ZNF532: variants seen among roughly 807,000 people sequenced by gnomAD.
ZNF532 encodes the protein zinc finger protein 532.
In ZNF532, 22 loss-of-function variants were observed where a neutral mutation model predicts 89.3. That is an observed-to-expected ratio of 0.25 (90% CI 0.18 to 0.35). The LOEUF (loss-of-function observed/expected upper bound fraction) is 0.35. ZNF532 is among the 10% of genes least tolerant of loss of function. The probability of loss-of-function intolerance (pLI) is 1.00; values close to 1 mark genes in which losing one functional copy is unlikely to be tolerated. For synonymous variants in ZNF532, 606 were observed against 649.6 expected (o/e 0.93, Z 1.02); for missense variants, 1,132 against 1,643.4 (o/e 0.69, Z 5.38).
At position 58,985,194 on chromosome 18, in the gene ZNF532, A is replaced by G. The variant is rs951118309; in HGVS notation, c.*728A>G. On this transcript the variant is annotated 3_prime_UTR_variant, in exon 10 of 10. Transcript: ENST00000591808. Reference sequence around the variant, plus strand: ...AGGAATGGGGAAGGCTATTCTAAAGAAAAAAATGGGATTTGTTTTCTCGGC... The same window carrying G: ...AGGAATGGGGAAGGCTATTCTAAAGGAAAAAATGGGATTTGTTTTCTCGGC... 6.6e-5 allele frequency: 10 copies of G among 152,340 alleles called. No homozygotes were observed. The highest frequency in any genetic ancestry group is 3.4e-3 in the Middle Eastern group (1 of 294). The allele number at this position is 152,340 out of a possible 1,614,324, so 9.4% of individuals were successfully genotyped here.
upstream of ZNF532, chr18:58,863,420 G>T (rs1194171929): frequency 9.4e-4 from 1 of 1,062 alleles, no homozygotes; most frequent in Non-Finnish European, 5.1e-3. Context: ...CGCTGCCGCC[G>T]CCCGGTCCCG....
At chr18:58,903,261 T>A (rs897266035) in intron 2 of ZNF532, among the ~76,000 whole-genome samples, 1 of 152,132 alleles carries the variant, frequency 6.6e-6, no homozygotes, top group Non-Finnish European at 1.5e-5. Flanking sequence ...GGTCAGAGGC[T>A]ATCCAGAAGG....
intron 2 of ZNF532, among the ~76,000 whole-genome samples, chr18:58,866,805 A>G (rs2056506624): frequency 6.6e-6 from 1 of 152,262 alleles, no homozygotes; most frequent in Non-Finnish European, 1.5e-5. Flanking sequence ...TAAAACTGGC[A>G]AAAGGGAAAC....
intron 2 of ZNF532, among the ~76,000 whole-genome samples, chr18:58,867,643 C>T (rs953610831): frequency 1.7e-4 from 26 of 152,116 alleles, no homozygotes; most frequent in Non-Finnish European, 2.8e-4. Flanking sequence ...AGCCCCTGGT[C>T]GGCAGTGCCT....
intron 3 of ZNF532, among the ~76,000 whole-genome samples, chr18:58,934,038 TATGA>T (rs1169046843): frequency 6.6e-6 from 1 of 152,220 alleles, no homozygotes; most frequent in Non-Finnish European, 1.5e-5. Flanking sequence ...GAAAGCTTTT[TATGA>T]ATTGTGAGGA....
At chr18:58,899,664 C>T (rs1413175605) in intron 2 of ZNF532, among the ~76,000 whole-genome samples, 2 of 151,992 alleles carry the variant, frequency 1.3e-5, no homozygotes, top group Non-Finnish European at 2.9e-5. Flanking sequence ...AGACAGGGTT[C>T]CACCATGTTG....
At chr18:58,874,448 G>A (rs1298620001) in intron 2 of ZNF532, among the ~76,000 whole-genome samples, 2 of 152,144 alleles carry the variant, frequency 1.3e-5, no homozygotes, top group Non-Finnish European at 2.9e-5. Context: ...AGGTTCAAGC[G>A]ATTCTTCTGC....
At position 58,918,974 on chromosome 18, in the gene ZNF532, A is replaced by G; in HGVS notation, c.687A>G (p.Glu229=). ...KVRKAEDKLK[E]SSDKVLENRV... ...GAAAAGCAGAGGATAAATTGAAGGA[A>G]AGCTCTGACAAGGTGCTGGAAAACA... The change falls in exon 3 of 10, where the codon GAA becomes GAG. Residue 229 remains glutamate (E), a synonymous_variant. Transcript: ENST00000591808. The G allele has an allele frequency of 6.2e-7, 1 of 1,613,554 alleles. No individual in the cohort carries two copies. The highest frequency in any genetic ancestry group is 8.5e-7 in the Non-Finnish European group (1 of 1,180,032).
chr18:58,927,671 A>T (rs914906593), intron 3 of ZNF532, among the ~76,000 whole-genome samples: 1 of 152,132 alleles, frequency 6.6e-6, no homozygotes, highest in African/African-American at 2.4e-5. Context: ...AAGAATAGGG[A>T]AAGTTACTCT....
chr18:58,922,802 A>G (rs1248554035), intron 3 of ZNF532, among the ~76,000 whole-genome samples: 1 of 152,068 alleles, frequency 6.6e-6, no homozygotes, highest in Non-Finnish European at 1.5e-5. Context: ...TGGCCTTTGG[A>G]GCTACCCTCA....
intron 3 of ZNF532, among the ~76,000 whole-genome samples, chr18:58,930,727 C>T (rs897870095): frequency 1.3e-5 from 2 of 151,982 alleles, no homozygotes; most frequent in African/African-American, 4.8e-5. Flanking sequence ...TGCTCAAGCC[C>T]CTGTTATAAA....
intron 7 of ZNF532, among the ~76,000 whole-genome samples, chr18:58,958,715 A>C (rs2065037426): frequency 6.6e-6 from 1 of 152,234 alleles, no homozygotes; most frequent in Non-Finnish European, 1.5e-5. Flanking sequence ...GTCTAGGTTC[A>C]GGTACCTAAC....
At chr18:58,972,794 G>A (rs1424999315) in intron 7 of ZNF532, among the ~76,000 whole-genome samples, 1 of 152,206 alleles carries the variant, frequency 6.6e-6, no homozygotes, top group Non-Finnish European at 1.5e-5. Flanking sequence ...AATAAGCAGA[G>A]TTCCTCTGTG....
chr18:58,965,894 G>A (rs937740797), intron 7 of ZNF532, among the ~76,000 whole-genome samples: 1 of 152,156 alleles, frequency 6.6e-6, no homozygotes, highest in East Asian at 1.9e-4. Flanking sequence ...GCAGTGTCTC[G>A]GAAATCTGGA....
intron 3 of ZNF532, among the ~76,000 whole-genome samples, chr18:58,923,921 A>C (rs2061329208): frequency 6.6e-6 from 1 of 151,934 alleles, no homozygotes. Flanking sequence ...CAGTGGCATG[A>C]TCTCGGCTCA....
At chr18:58,885,502 G>A (rs2058235960) in intron 2 of ZNF532, among the ~76,000 whole-genome samples, 1 of 152,074 alleles carries the variant, frequency 6.6e-6, no homozygotes, top group South Asian at 2.1e-4. Context: ...ATGAGATTTT[G>A]AAAATGCAAA....
At chr18:58,954,054 A>G (rs2064499939) in intron 7 of ZNF532, 1 of 984,232 alleles carries the variant, frequency 1.0e-6, no homozygotes, top group African/African-American at 1.7e-5. Context: ...TAAGTTACCT[A>G]TCACATTCAT....
intron 7 of ZNF532, among the ~76,000 whole-genome samples, chr18:58,973,381 C>T (rs976138617): frequency 1.3e-5 from 2 of 152,196 alleles, no homozygotes; most frequent in Admixed American, 6.5e-5. Flanking sequence ...GGATTACAGG[C>T]GTGAGCCACT....
chr18:58,885,515 T>A (rs1013276577), intron 2 of ZNF532, among the ~76,000 whole-genome samples: 6 of 152,198 alleles, frequency 3.9e-5, no homozygotes, highest in Non-Finnish European at 7.3e-5. Context: ...AATGCAAACC[T>A]ACACTTATGT....
Sources: allele counts gnomAD v4.1 joint callset (sites outside exome capture counted in the v4.1 genomes callset), GRCh38; gene constraint gnomAD v4.1.1; transcripts MANE v1.5; gene names NCBI Gene and HGNC (gene_info 2026-07-23, HGNC 2026-07-21).